Variants in OR5B3 observed in about 807,000 individuals in gnomAD.
OR5B3 encodes the protein olfactory receptor 5B3.
For missense variants in OR5B3, 430 were observed against 375.4 expected, an observed-to-expected ratio of 1.15 and a Z score of -1.20; for synonymous variants, 150 against 135.0, an observed-to-expected ratio of 1.11 and a Z score of -0.77.
In OR5B3 at chr11:58,402,845, C is replaced by G. The variant is rs1462857624; in HGVS notation, c.565G>C (p.Asp189His). 2 of 1,613,824 alleles carry G rather than the reference C, an allele frequency of 1.2e-6. No individual in the cohort carries two copies. The highest frequency in any genetic ancestry group is 1.7e-6 in the Non-Finnish European group (2 of 1,179,902). Residue 189 changes from aspartate (D) to histidine (H), a missense_variant, in exon 2 of 2, where the codon GAT (aspartate) becomes CAT (histidine). Coordinates refer to ENST00000641865, the MANE Select transcript of OR5B3 (RefSeq NM_001005469.2). Reference sequence around the variant, plus strand: ...AGAACAAGCTCGCTAATATGTCTATCAGAGCAAGAGAGAACCATGACTGCT... The same window carrying G: ...AGAACAAGCTCGCTAATATGTCTATGAGAGCAAGAGAGAACCATGACTGCT... ...IPAVMVLSCS[D>H]RHISELVLIY...
chr11:58,404,937 C>G (rs1002163535), intron 1 of OR5B3, among the ~76,000 whole-genome samples: 1 of 152,062 alleles, frequency 6.6e-6, no homozygotes, highest in East Asian at 1.9e-4. Flanking sequence ...AAGGGTTACA[C>G]GTGCAGATTT....
chr11:58,406,177 A>ATG (rs372628582), intron 1 of OR5B3, among the ~76,000 whole-genome samples: 3,047 of 143,316 alleles, frequency 0.021, 115 homozygotes, highest in African/African-American at 0.073. Flanking sequence ...GTGTGTGCGC[A>ATG]TGTGTGTGTG....
At chr11:58,404,224 G>A (rs1855072829) in intron 1 of OR5B3, among the ~76,000 whole-genome samples, 1 of 151,578 alleles carries the variant, frequency 6.6e-6, no homozygotes, top group Non-Finnish European at 1.5e-5. Flanking sequence ...AAAGAGTTGC[G>A]TATCAGTCCA....
At chr11:58,405,435 A>T (rs1370554464) in intron 1 of OR5B3, among the ~76,000 whole-genome samples, 1 of 152,156 alleles carries the variant, frequency 6.6e-6, no homozygotes, top group Non-Finnish European at 1.5e-5. Flanking sequence ...GAACGAGATC[A>T]TCTCCTTTGC....
Position 58,403,296 on chromosome 11 carries a change from A to G in OR5B3, c.114T>C (p.Val38=), listed in dbSNP as rs759335889. ...TCAATACAATAATTCCCAGGTTTCC[A>G]ACCAGAGTGATAATATAGATGAAGG... is the stretch of plus-strand genomic sequence containing the variant. The part of the protein sequence containing the change: ...TFPFIYIITL[V]GNLGIIVLIF... Residue 38 remains valine (V), a synonymous_variant, in exon 2 of 2, where the codon GTT becomes GTC. Coordinates refer to ENST00000641865, the MANE Select transcript of OR5B3 (RefSeq NM_001005469.2). 9 of 1,613,284 alleles carry G rather than the reference A, an allele frequency of 5.6e-6. No individual in the cohort carries two copies. The highest frequency in any genetic ancestry group is 6.8e-6 in the Non-Finnish European group (8 of 1,179,306).
At chr11:58,403,533 G>A in intron 1 of OR5B3, 98 bp from the exon 2 acceptor site, 1 of 569,924 alleles carries the variant, frequency 1.8e-6, no homozygotes, top group Non-Finnish European at 3.0e-6. Context: ...GCAATAACTT[G>A]TACTTCAAGA....
At chr11:58,406,176 CAT>C (rs1855096938) in intron 1 of OR5B3, among the ~76,000 whole-genome samples, 1 of 143,288 alleles carries the variant, frequency 7.0e-6, no homozygotes, top group South Asian at 2.2e-4. Flanking sequence ...CGTGTGTGCG[CAT>C]GTGTGTGTGT....
chr11:58,404,542 A>G (rs1237344286), intron 1 of OR5B3, among the ~76,000 whole-genome samples: 1 of 151,590 alleles, frequency 6.6e-6, no homozygotes, highest in African/African-American at 2.4e-5. Context: ...CTTTTCCTCC[A>G]TGCTAGGACC....
intron 1 of OR5B3, among the ~76,000 whole-genome samples, chr11:58,406,362 G>T (rs1012859190): frequency 2.0e-5 from 3 of 152,088 alleles, no homozygotes; most frequent in Admixed American, 6.6e-5. Flanking sequence ...CCACATCACT[G>T]TCAACATAGG....
chr11:58,405,904 C>A (rs1455879373), intron 1 of OR5B3, among the ~76,000 whole-genome samples: 1 of 152,044 alleles, frequency 6.6e-6, no homozygotes, highest in African/African-American at 2.4e-5. Flanking sequence ...TGGAATACTA[C>A]ACAGCCATGA....
intron 1 of OR5B3, among the ~76,000 whole-genome samples, chr11:58,405,018 T>C (rs1447673722): frequency 6.6e-6 from 1 of 152,164 alleles, no homozygotes; most frequent in Non-Finnish European, 1.5e-5. Flanking sequence ...GAGCATACCA[T>C]CTGATAGGTA....
Position 58,402,582 on chromosome 11 carries a change from A to G in OR5B3, c.828T>C (p.Tyr276=), listed in dbSNP as rs768618324. Residue 276 remains tyrosine, a synonymous_variant, in exon 2 of 2, where the codon TAT becomes TAC. Coordinates refer to ENST00000641865, the MANE Select transcript of OR5B3 (RefSeq NM_001005469.2). ...MDTDKMAPVF[Y]TMVIPMLNPL... The stretch of plus-strand genomic sequence containing the variant: ...GGTTCAGCATGGGGATGACCATTGT[A>G]TAGAACACAGGTGCCATTTTGTCTG... 2.5e-6 allele frequency: 4 copies of G among 1,613,218 alleles called. No homozygotes were observed. The East Asian group carries it at 8.9e-5, about 36-fold the overall frequency.
rs1855044394 is a variant in OR5B3 at position 58,402,653 on chromosome 11, T to C, written c.757A>G (p.Ile253Val). 1 of 1,613,834 alleles carries C rather than the reference T, an allele frequency of 6.2e-7. No homozygotes were observed. Among genetic ancestry groups the C allele is most frequent in the South Asian group, 1.1e-5 (1 of 91,088 alleles). The change falls in exon 2 of 2, where the codon ATT becomes GTT. Residue 253 changes from isoleucine (I) to valine (V), a missense_variant. Ile to Val is a conservative substitution (Grantham distance 29, BLOSUM62 3). Transcript: ENST00000641865. Reference sequence around the variant, plus strand: ...CTGGGTTGTAAGTACATGAAGATAATAGTCCCATAGAAGATGCCGACTGCA... The same window carrying C: ...CTGGGTTGTAAGTACATGAAGATAACAGTCCCATAGAAGATGCCGACTGCA... ...FIAVGIFYGT[I>V]IFMYLQPSSS...
rs1388877315 is a variant in OR5B3, at chr11:58,403,034, T to A, written c.376A>T (p.Lys126Ter). 1.9e-6 allele frequency: 3 copies of A among 1,614,114 alleles called. No individual in the cohort carries two copies. Among genetic ancestry groups the A allele is most frequent in the East Asian group, 4.5e-5 (2 of 44,880 alleles). ...ATGGTTGTGGTGTAATGTAGGGGTT[T>A]GCACACTGCTGCATAGCGGTCATAG... is the stretch of plus-strand genomic sequence containing the variant. The part of the protein sequence containing the change: ...MAYDRYAAVC[K>*]PLHYTTTMTT... The change falls in exon 2 of 2, where the codon AAA (lysine) becomes TAA (stop). Residue 126 changes from lysine to a stop codon, truncating the protein, a stop_gained. Coordinates refer to ENST00000641865, the MANE Select transcript of OR5B3 (RefSeq NM_001005469.2). LOFTEE classifies it low-confidence loss of function (END_TRUNC).
In OR5B3 at chr11:58,403,378, A is replaced by T. The variant is rs1274310390; in HGVS notation, c.32T>A (p.Ile11Asn). Residue 11 changes from isoleucine (I) to asparagine (N), a missense_variant, in exon 2 of 2, where the codon ATT (isoleucine) becomes AAT (asparagine). Ile to Asn is a moderately radical substitution (Grantham distance 149). Coordinates refer to ENST00000641865, the MANE Select transcript of OR5B3 (RefSeq NM_001005469.2). The stretch of plus-strand genomic sequence containing the variant: ...TGAGTCATTGGTTAGTCCTAGAAGA[A>T]TGAATTGTGTTACTTCTGTCTTATT... MENKTEVTQF[I>N]LLGLTNDSEL... 2 of 1,596,770 alleles carry T rather than the reference A, an allele frequency of 1.3e-6. No homozygotes were observed. The highest frequency in any genetic ancestry group is 1.7e-5 in the Admixed American group (1 of 57,650).
chr11:58,402,709 T>C lies in OR5B3; in HGVS notation c.701A>G (p.Lys234Arg). The change falls in exon 2 of 2, where the codon AAG (lysine) becomes AGG (arginine). Residue 234 changes from lysine (K) to arginine (R), a missense_variant. Physicochemically the swap from Lys to Arg is conservative, Grantham distance 26 (BLOSUM62 2). Coordinates refer to ENST00000641865, the MANE Select transcript of OR5B3 (RefSeq NM_001005469.2). ...LKMHSASVYQ[K>R]PLSTCASHFI... ...ATGAGAGGCACAGGTGGACAAAGGC[T>C]TCTGGTATACTGAAGCTGAGTGCAT... The C allele has an allele frequency of 3.1e-6, 5 of 1,613,908 alleles. No individual in the cohort carries two copies. The highest frequency in any genetic ancestry group is 4.2e-6 in the Non-Finnish European group (5 of 1,179,902).
In OR5B3 at chr11:58,403,003, G is replaced by T; in HGVS notation, c.407C>A (p.Thr136Lys). 1 of 1,614,068 alleles carries T rather than the reference G, an allele frequency of 6.2e-7. No homozygotes were observed. Among genetic ancestry groups the T allele is most frequent in the Non-Finnish European group, 8.5e-7 (1 of 1,179,984 alleles). ...KPLHYTTTMTTTVCARLAIGS... is the reference protein window; with the variant it reads ...KPLHYTTTMTKTVCARLAIGS... ...TATGGCCAGACGAGCACACACAGTT[G>T]TTGTCATGGTTGTGGTGTAATGTAG... Residue 136 changes from threonine (T) to lysine (K), a missense_variant, in exon 2 of 2, where the codon ACA (threonine) becomes AAA (lysine). Coordinates refer to ENST00000641865, the MANE Select transcript of OR5B3 (RefSeq NM_001005469.2).
chr11:58,406,174 C>G (rs7125992), intron 1 of OR5B3, among the ~76,000 whole-genome samples: 1 of 151,296 alleles, frequency 6.6e-6, no homozygotes, highest in African/African-American at 2.4e-5. Flanking sequence ...TGCGTGTGTG[C>G]GCATGTGTGT....
chr11:58,405,327 A>G (rs556324619), intron 1 of OR5B3, among the ~76,000 whole-genome samples: 1 of 152,178 alleles, frequency 6.6e-6, no homozygotes, highest in African/African-American at 2.4e-5. Flanking sequence ...TACTAAAAAG[A>G]CAAATACATA....
Sources: allele counts gnomAD v4.1 joint callset (sites outside exome capture counted in the v4.1 genomes callset), GRCh38; gene constraint gnomAD v4.1.1; transcripts MANE v1.5; gene names NCBI Gene and HGNC (gene_info 2026-07-23, HGNC 2026-07-21).